The following RECK variants were observed in gnomAD, a reference collection of about 807,000 sequenced individuals.
RECK encodes the protein reversion inducing cysteine rich protein with kazal motifs, also known as reversion-inducing cysteine-rich protein with Kazal motifs.
A neutral mutation model predicts 115.1 loss-of-function variants in RECK; 69 were observed. That is an observed-to-expected ratio of 0.60 (90% CI 0.49 to 0.73). RECK has a LOEUF of 0.73. Ranked by LOEUF, RECK falls within the 30% of genes least tolerant of loss-of-function variation. The pLI is 0.00. For synonymous variants in RECK, 414 were observed against 419.7 expected (o/e 0.99, Z 0.17); for missense variants, 1,047 against 1,203.7 (o/e 0.87, Z 1.93).
At chr9:36,075,818 A>C (rs1173860053) in intron 6 of RECK, among the ~76,000 whole-genome samples, 1 of 152,214 alleles carries the variant, frequency 6.6e-6, no homozygotes, top group African/African-American at 2.4e-5. Flanking sequence ...TGGGCATATA[A>C]AACATTAACA....
At position 36,122,884 on chromosome 9, in the gene RECK, A is replaced by G; in HGVS notation, c.2755A>G (p.Thr919Ala). ...IESLINSDSP[T>A]LASHVPLSAL... ...GTCCCTTATCAACTCTGACAGCCCG[A>G]CTTTGGCGTCCCATGTCCCTCTCTC... is the stretch of plus-strand genomic sequence containing the variant. Residue 919 changes from threonine (T) to alanine (A), a missense_variant, in exon 21 of 21, where the codon ACT (threonine) becomes GCT (alanine). Coordinates refer to ENST00000377966, the MANE Select transcript of RECK (RefSeq NM_021111.3). 6.2e-7 allele frequency: 1 copy of G among 1,614,156 alleles called. No homozygotes were observed. Among genetic ancestry groups the G allele is most frequent in the South Asian group, 1.1e-5 (1 of 91,080 alleles).
intron 1 of RECK, among the ~76,000 whole-genome samples, chr9:36,041,738 T>C (rs1820873726): frequency 6.6e-6 from 1 of 151,398 alleles, no homozygotes; most frequent in Non-Finnish European, 1.5e-5. Flanking sequence ...TCTGTGCATC[T>C]CTTCCAGTTT....
At position 36,094,347 on chromosome 9, in the gene RECK, C is replaced by T. The variant is rs992595239; in HGVS notation, c.1085+3004C>T. On this transcript the variant is annotated intron_variant, in intron 10 of 20. Transcript: ENST00000377966. This position sits in a 1 kb window ranked among gnomAD's most constrained non-coding sequence, Gnocchi z 4.1. Reference sequence around the variant, plus strand: ...ATAAGAGAGAGGTAAATAATTATACCGTTATAAGTTTCTTACATTATTTGT... The same window carrying T: ...ATAAGAGAGAGGTAAATAATTATACTGTTATAAGTTTCTTACATTATTTGT... 6.6e-5 allele frequency among the ~76,000 whole-genome samples: 10 copies of T among 151,722 alleles called. No homozygotes were observed. The South Asian group carries it at 8.3e-4, about 13-fold the overall frequency.
intron 16 of RECK, among the ~76,000 whole-genome samples, chr9:36,115,857 C>A (rs1211178231): frequency 2.0e-5 from 3 of 152,110 alleles, no homozygotes; most frequent in Non-Finnish European, 4.4e-5. Context: ...GAAAGCTAAA[C>A]ATTTTCATGG....
chr9:36,106,332 T>C (rs1823814676), intron 13 of RECK, among the ~76,000 whole-genome samples: 1 of 150,406 alleles, frequency 6.6e-6, no homozygotes, highest in African/African-American at 2.4e-5. Flanking sequence ...CCTCCTGGGC[T>C]CAAGCAATTC....
chr9:36,069,762 T>C (rs1329100608), intron 6 of RECK, among the ~76,000 whole-genome samples: 1 of 152,032 alleles, frequency 6.6e-6, no homozygotes, highest in Non-Finnish European at 1.5e-5. Flanking sequence ...GCAGGAGCAG[T>C]GTTTAAAGAA....
intron 12 of RECK, among the ~76,000 whole-genome samples, chr9:36,103,127 G>A (rs191388558): frequency 3.9e-5 from 6 of 152,214 alleles, no homozygotes; most frequent in African/African-American, 1.4e-4. Flanking sequence ...ACCCATACAT[G>A]GTGGAAACCA....
Position 36,080,929 on chromosome 9 carries a change from G to A in RECK, c.439+291G>A, listed in dbSNP as rs114541662. Among the ~76,000 whole-genome samples the A allele has an allele frequency of 7.3e-3, 1,111 of 152,312 alleles. 12 individuals carry two copies. Among genetic ancestry groups the A allele is most frequent in the African/African-American group, 0.024 (988 of 41,560 alleles). On this transcript the variant is annotated intron_variant, in intron 7 of 20. Coordinates refer to ENST00000377966, the MANE Select transcript of RECK (RefSeq NM_021111.3). ...CTACGTCTCAGTTCATTCAACAGAC[G>A]TTGATTGAGTACTTGGTCAGTGTGG...
In RECK at chr9:36,067,900, GTAAAGACC is replaced by G. The variant is rs540874335; in HGVS notation, c.405+2288_405+2295del. Among the ~76,000 whole-genome samples, 458 of 152,234 alleles carry G rather than the reference GTAAAGACC, an allele frequency of 3.0e-3. 4 individuals are homozygous for G. Among genetic ancestry groups the G allele is most frequent in the African/African-American group, 0.011 (445 of 41,534 alleles). ...GCCTGAAAGGATTGGTATAATTTGG[GTAAAGACC>G]TAAAGACCTAAGACTGTGGATCAAA... On this transcript the variant is annotated intron_variant, in intron 6 of 20. Transcript: ENST00000377966.
chr9:36,045,897 T>G (rs1372967045), intron 1 of RECK, among the ~76,000 whole-genome samples: 1 of 152,166 alleles, frequency 6.6e-6, no homozygotes, highest in East Asian at 1.9e-4. Flanking sequence ...TAATTCTGCT[T>G]GCATATTTTC....
chr9:36,123,137 C>A lies in RECK; in HGVS notation c.*92C>A. 3.1e-6 allele frequency: 3 copies of A among 962,678 alleles called. No individual in the cohort carries two copies. The highest frequency in any genetic ancestry group is 3.4e-5 in the South Asian group (2 of 59,536). The allele number at this position is 962,678 out of a possible 1,614,324, so 59.6% of individuals were successfully genotyped here. ...TGCTGGTTTGTAGTTGAATATTGGC[C>A]AAGGAAAGGCACATGTCACCTCTAT... On this transcript the variant is annotated 3_prime_UTR_variant, in exon 21 of 21. Transcript: ENST00000377966.
At chr9:36,058,251 C>A (rs554816832) in intron 2 of RECK, among the ~76,000 whole-genome samples, 4 of 151,916 alleles carry the variant, frequency 2.6e-5, no homozygotes, top group Non-Finnish European at 1.5e-5. Flanking sequence ...TGGAACCAAC[C>A]CAGATGTCCA....
At chr9:36,073,116 A>G (rs1822300280) in intron 6 of RECK, among the ~76,000 whole-genome samples, 1 of 151,856 alleles carries the variant, frequency 6.6e-6, no homozygotes, top group Non-Finnish European at 1.5e-5. Context: ...ACAACAAACA[A>G]TCAAACCAAA....
At chr9:36,061,434 A>G (rs1001552460) in intron 4 of RECK, among the ~76,000 whole-genome samples, 17 of 150,484 alleles carry the variant, frequency 1.1e-4, no homozygotes, top group African/African-American at 4.2e-4. Context: ...ACACACACAC[A>G]CACAGTTGCT....
At chr9:36,062,927 G>A (rs187203214) in intron 4 of RECK, among the ~76,000 whole-genome samples, 1 of 152,132 alleles carries the variant, frequency 6.6e-6, no homozygotes, top group Admixed American at 6.5e-5. Flanking sequence ...CTGAGGTCAG[G>A]AGTTCAAGAC....
intron 6 of RECK, among the ~76,000 whole-genome samples, chr9:36,067,847 AT>A (rs1220729089): frequency 6.6e-6 from 1 of 152,150 alleles, no homozygotes; most frequent in Admixed American, 6.5e-5. Flanking sequence ...GTTTGGAGTT[AT>A]CAGGAAAAAC....
chr9:36,106,069 C>T (rs981357439), intron 13 of RECK, among the ~76,000 whole-genome samples: 7 of 151,614 alleles, frequency 4.6e-5, no homozygotes, highest in South Asian at 4.2e-4. Flanking sequence ...AAATATTAGC[C>T]GGGCACGGTG....
At chr9:36,076,906 A>G (rs1315916194) in intron 6 of RECK, among the ~76,000 whole-genome samples, 2 of 152,208 alleles carry the variant, frequency 1.3e-5, no homozygotes, top group African/African-American at 4.8e-5. Context: ...TTCTCAGTGC[A>G]GTGTCATGGA....
rs1822511420 is a variant in RECK, at chr9:36,077,886, G to C, written c.406-2719G>C. ...ATTCACTCTCTGTTTATTCAACTTTGCCATAGAAGTGTGCTTAGCGTGAGG... is the reference window on the plus strand; with the variant it reads ...ATTCACTCTCTGTTTATTCAACTTTCCCATAGAAGTGTGCTTAGCGTGAGG... On this transcript the variant is annotated intron_variant, in intron 6 of 20. Transcript: ENST00000377966. Among the ~76,000 whole-genome samples, 4 of 152,158 alleles carry C rather than the reference G, an allele frequency of 2.6e-5. No homozygotes were observed. The South Asian group carries it at 8.3e-4, about 32-fold the overall frequency.
Sources: allele counts gnomAD v4.1 joint callset (sites outside exome capture counted in the v4.1 genomes callset), GRCh38; gene constraint gnomAD v4.1.1; non-coding constraint Gnocchi (gnomAD v3.1); transcripts MANE v1.5; gene names NCBI Gene and HGNC (gene_info 2026-07-23, HGNC 2026-07-21).